The following SEMA6D variants were observed in gnomAD, a reference collection of about 807,000 sequenced individuals.
SEMA6D encodes semaphorin 6D, also known as semaphorin-6D.
SEMA6D carries 35 observed loss-of-function variants against 106.6 expected under a neutral mutation model. That is an observed-to-expected ratio of 0.33 (90% confidence interval 0.25 to 0.44). The LOEUF (loss-of-function observed/expected upper bound fraction) is 0.44. Among genes scored for constraint, SEMA6D ranks in the 20% least tolerant of loss-of-function variants. SEMA6D has a pLI of 1.00. For synonymous variants in SEMA6D, 499 were observed against 487.7 expected, an observed-to-expected ratio of 1.02 and a Z score of -0.31; for missense variants, 1,185 against 1,345.9, an observed-to-expected ratio of 0.88 and a Z score of 1.87.
chr15:47,641,278 C>G (rs971922985), intron 4 of SEMA6D, among the ~76,000 whole-genome samples: 2 of 152,156 alleles, frequency 1.3e-5, no homozygotes, highest in African/African-American at 4.8e-5. Flanking sequence ...TTTAAAAAAC[C>G]AGCTACTGTT....
chr15:47,673,867 C>T (rs549097370), intron 4 of SEMA6D, among the ~76,000 whole-genome samples: 6 of 152,260 alleles, frequency 3.9e-5, no homozygotes, highest in South Asian at 4.1e-4. Context: ...AGTAATGCTA[C>T]GCTTCCATTC....
At chr15:47,585,843 A>T (rs1223351788) in intron 3 of SEMA6D, among the ~76,000 whole-genome samples, 1 of 152,234 alleles carries the variant, frequency 6.6e-6, no homozygotes. Context: ...CGAGTTGAGA[A>T]AAGTTTAGAA....
chr15:47,384,100 T>TAGC (rs1438023142), intron 1 of SEMA6D, among the ~76,000 whole-genome samples: 1 of 152,176 alleles, frequency 6.6e-6, no homozygotes, highest in Non-Finnish European at 1.5e-5. Context: ...AAGACCAAAG[T>TAGC]AGCAGGGTTT....
chr15:47,405,435 A>G (rs1246057466), intron 1 of SEMA6D, among the ~76,000 whole-genome samples: 1 of 152,010 alleles, frequency 6.6e-6, no homozygotes, highest in Non-Finnish European at 1.5e-5. Context: ...CTACCCCCCA[A>G]ACCCATTCCA....
intron 1 of SEMA6D, among the ~76,000 whole-genome samples, chr15:47,747,962 A>T (rs914529267): frequency 1.3e-5 from 2 of 152,174 alleles, no homozygotes; most frequent in African/African-American, 4.8e-5. Flanking sequence ...TCCACTCTCT[A>T]ATCTCAGGAA....
intron 1 of SEMA6D, among the ~76,000 whole-genome samples, chr15:47,286,330 C>T (rs1407143746): frequency 2.0e-5 from 3 of 152,128 alleles, no homozygotes; most frequent in African/African-American, 7.2e-5. Context: ...GGTCTCAGTA[C>T]ACCTTTACAC....
At chr15:47,574,948 A>G (rs2142965053) in intron 3 of SEMA6D, among the ~76,000 whole-genome samples, 1 of 152,294 alleles carries the variant, frequency 6.6e-6, no homozygotes, top group African/African-American at 2.4e-5. Context: ...GTTTGGGCCA[A>G]ATCCTGGCTC....
chr15:47,605,487 G>A (rs565870668), intron 4 of SEMA6D: 14 of 152,306 alleles, frequency 9.2e-5, no homozygotes, highest in African/African-American at 3.4e-4. Flanking sequence ...AATTCCCAGA[G>A]TTAGTGCAGA....
At chr15:47,428,021 C>A (rs950943069) in intron 2 of SEMA6D, among the ~76,000 whole-genome samples, 1 of 151,986 alleles carries the variant, frequency 6.6e-6, no homozygotes, top group African/African-American at 2.4e-5. Flanking sequence ...TGAAATAGCT[C>A]ACCAGAAAAT....
intron 4 of SEMA6D, among the ~76,000 whole-genome samples, chr15:47,712,399 A>G (rs962272892): frequency 4.6e-5 from 7 of 152,214 alleles, no homozygotes; most frequent in Non-Finnish European, 8.8e-5. Flanking sequence ...ACCACCTACT[A>G]GGACAGAAAA....
intron 1 of SEMA6D, among the ~76,000 whole-genome samples, chr15:47,218,234 A>G (rs1156474097): frequency 2.6e-5 from 4 of 152,150 alleles, no homozygotes; most frequent in Non-Finnish European, 5.9e-5. Context: ...TGGACCCTAA[A>G]GAATGCACCA....
chr15:47,393,090 T>A (rs1176499186), intron 1 of SEMA6D, among the ~76,000 whole-genome samples: 3 of 152,230 alleles, frequency 2.0e-5, no homozygotes, highest in African/African-American at 7.2e-5. Flanking sequence ...CTCAGGGTAG[T>A]AGGAAAACAT....
chr15:47,491,116 A>G (rs2043461024), intron 3 of SEMA6D, among the ~76,000 whole-genome samples: 1 of 152,232 alleles, frequency 6.6e-6, no homozygotes, highest in South Asian at 2.1e-4. Context: ...ACATATAAGT[A>G]GAAACACTTG....
intron 1 of SEMA6D, among the ~76,000 whole-genome samples, chr15:47,315,943 A>G (rs1180740384): frequency 2.0e-5 from 3 of 151,778 alleles, no homozygotes; most frequent in Non-Finnish European, 4.4e-5. Flanking sequence ...CTGTCTCCTG[A>G]AACCTTCCTG....
chr15:47,288,287 C>G (rs985522850), intron 1 of SEMA6D, among the ~76,000 whole-genome samples: 2 of 152,160 alleles, frequency 1.3e-5, no homozygotes, highest in African/African-American at 4.8e-5. Flanking sequence ...ATGTCCCAAA[C>G]TAGTTAATGC....
chr15:47,387,002 C>A (rs1228812414), intron 1 of SEMA6D, among the ~76,000 whole-genome samples: 1 of 151,384 alleles, frequency 6.6e-6, no homozygotes, highest in Admixed American at 6.6e-5. Context: ...CTGAGGCAGC[C>A]CATCCTTGTG....
intron 1 of SEMA6D, among the ~76,000 whole-genome samples, chr15:47,228,160 A>G (rs2031928474): frequency 8.0e-6 from 1 of 125,146 alleles, no homozygotes; most frequent in Non-Finnish European, 1.7e-5. Flanking sequence ...ACACACACAC[A>G]CACATATATA....
At chr15:47,248,504 A>G (rs2033326249) in intron 1 of SEMA6D, among the ~76,000 whole-genome samples, 1 of 152,238 alleles carries the variant, frequency 6.6e-6, no homozygotes, top group Non-Finnish European at 1.5e-5. Flanking sequence ...AATATTTGTA[A>G]TGATTACATT....
rs556787897 is a variant in SEMA6D, at chr15:47,553,737, A to G, written c.-86-47128A>G. On this transcript the variant is annotated intron_variant, in intron 3 of 19. Transcript: ENST00000558014. ...AAGCAGGGCATTTCAGTGTTGTTTG[A>G]TAAGAAGGCAAAAAAAAAAATTAAA... 1.4e-4 allele frequency among the ~76,000 whole-genome samples: 21 copies of G among 152,144 alleles called. No individual in the cohort carries two copies. In the South Asian group the frequency reaches 4.4e-3, roughly 32 times the overall value.
Sources: gnomAD v4.1 joint callset for allele counts (sites outside exome capture counted in the v4.1 genomes callset) on GRCh38, gnomAD v4.1.1 for gene constraint, MANE v1.5 for transcripts, NCBI Gene and HGNC (gene_info 2026-07-23, HGNC 2026-07-21) for gene names.